The following NCAM2 variants were observed in gnomAD, a reference collection of about 807,000 sequenced individuals.
The protein encoded by NCAM2 is neural cell adhesion molecule 2, also known as N-CAM-2.
Under a neutral mutation model 98.1 loss-of-function variants are expected in NCAM2, and 30 were observed. That is an observed-to-expected ratio of 0.31 (90% CI 0.23 to 0.41). NCAM2 has a LOEUF of 0.41. Ranked by LOEUF, NCAM2 falls within the 10% of genes least tolerant of loss-of-function variation. The pLI is 1.00. For missense variants in NCAM2, 867 were observed against 1,005.8 expected, an observed-to-expected ratio of 0.86 and a Z score of 1.87; for synonymous variants, 368 against 342.4, an observed-to-expected ratio of 1.07 and a Z score of -0.83.
At chr21:21,347,399 T>G (rs1161273617) in intron 8 of NCAM2, among the ~76,000 whole-genome samples, 1 of 151,862 alleles carries the variant, frequency 6.6e-6, no homozygotes, top group Non-Finnish European at 1.5e-5. Context: ...ACAAATCACA[T>G]TACCTGACTT....
chr21:21,486,293 G>A (rs1360207376), intron 15 of NCAM2, among the ~76,000 whole-genome samples: 14 of 96,574 alleles, frequency 1.4e-4, no homozygotes, highest in African/African-American at 6.3e-4. Flanking sequence ...AACAGAGCGA[G>A]ACTCCGTCTC....
chr21:21,375,707 A>G (rs1189597296), intron 9 of NCAM2, among the ~76,000 whole-genome samples: 3 of 151,614 alleles, frequency 2.0e-5, no homozygotes, highest in Non-Finnish European at 4.4e-5. Flanking sequence ...AATTTACTTT[A>G]TGATTTTTTT....
intron 1 of NCAM2, among the ~76,000 whole-genome samples, chr21:21,125,829 GTC>G (rs1035559592): frequency 6.6e-6 from 1 of 150,624 alleles, no homozygotes; most frequent in Non-Finnish European, 1.5e-5. Context: ...CAGCACAATA[GTC>G]TCTGAATTGA....
intron 11 of NCAM2, among the ~76,000 whole-genome samples, chr21:21,423,640 G>A (rs2077157283): frequency 6.6e-6 from 1 of 152,026 alleles, no homozygotes; most frequent in Non-Finnish European, 1.5e-5. Context: ...CTGCTATTAA[G>A]GGAGGTCTCT....
intron 12 of NCAM2, among the ~76,000 whole-genome samples, chr21:21,435,221 T>G (rs1420638638): frequency 6.6e-6 from 1 of 152,198 alleles, no homozygotes; most frequent in Admixed American, 6.5e-5. Flanking sequence ...TGTAAGAAAC[T>G]GCATTTCTTT....
At chr21:21,434,065 C>G (rs1325695979) in intron 12 of NCAM2, among the ~76,000 whole-genome samples, 1 of 152,156 alleles carries the variant, frequency 6.6e-6, no homozygotes, top group Non-Finnish European at 1.5e-5. Context: ...CTTGATCTGG[C>G]CAAGTTGATC....
intron 9 of NCAM2, among the ~76,000 whole-genome samples, chr21:21,380,349 C>A (rs984523591): frequency 6.6e-6 from 1 of 152,146 alleles, no homozygotes; most frequent in African/African-American, 2.4e-5. Flanking sequence ...TTGAGGCTTA[C>A]AATGAGACAC....
At chr21:21,000,374 G>A (rs2063996783) in intron 1 of NCAM2, among the ~76,000 whole-genome samples, 1 of 152,166 alleles carries the variant, frequency 6.6e-6, no homozygotes, top group Admixed American at 6.5e-5. Context: ...GAAGAAAAAT[G>A]TCTCAGTTGT....
intron 12 of NCAM2, among the ~76,000 whole-genome samples, chr21:21,436,067 G>A (rs1161832827): frequency 6.6e-6 from 1 of 152,128 alleles, no homozygotes. Context: ...ATTTTGTAAA[G>A]ACATAGTAAA....
At chr21:21,330,675 A>G (rs2074649405) in intron 6 of NCAM2, among the ~76,000 whole-genome samples, 1 of 151,830 alleles carries the variant, frequency 6.6e-6, no homozygotes, top group Admixed American at 6.6e-5. Context: ...AAATGTGTCT[A>G]TTTTTATATT....
intron 1 of NCAM2, among the ~76,000 whole-genome samples, chr21:21,001,951 G>C (rs1391179185): frequency 6.6e-6 from 1 of 152,112 alleles, no homozygotes; most frequent in Non-Finnish European, 1.5e-5. Flanking sequence ...CTAGTTTGAA[G>C]ATTACAGGAG....
rs2147144570 is a variant in NCAM2 at position 21,223,424 on chromosome 21, T to C, written c.56-57154T>C. On this transcript the variant is annotated intron_variant, in intron 1 of 17. Transcript: ENST00000400546. ...TCTAGTTATATTTTCTATAATAAAG[T>C]ATTTCTTTTCCAATGTGTCACAAAG... The C allele has an allele frequency of 2.0e-5, 3 of 152,304 alleles. No individual in the cohort carries two copies. In the Middle Eastern group the frequency reaches 0.01, roughly 518 times the overall value. 9.4% of individuals were successfully genotyped at this position (152,304 alleles called of 1,614,324 possible).
chr21:21,508,603 A>G (rs1602524594), intron 15 of NCAM2, among the ~76,000 whole-genome samples: 1 of 151,924 alleles, frequency 6.6e-6, no homozygotes, highest in African/African-American at 2.4e-5. Context: ...AAAAAAAAGA[A>G]GTTTGAAAAA....
chr21:21,068,212 A>G (rs1264529959), intron 1 of NCAM2, among the ~76,000 whole-genome samples: 2 of 144,408 alleles, frequency 1.4e-5, no homozygotes, highest in Admixed American at 7.2e-5. Context: ...GGCTCACTGC[A>G]ACCTCTGCCT....
At chr21:21,064,599 T>TCAGG (rs1278107800) in intron 1 of NCAM2, among the ~76,000 whole-genome samples, 1 of 152,216 alleles carries the variant, frequency 6.6e-6, no homozygotes, top group Non-Finnish European at 1.5e-5. Context: ...CTCTTGCCCC[T>TCAGG]CAGGGTTCAT....
At chr21:21,027,121 G>A (rs1399610514) in intron 1 of NCAM2, among the ~76,000 whole-genome samples, 1 of 151,976 alleles carries the variant, frequency 6.6e-6, no homozygotes, top group Admixed American at 6.6e-5. Flanking sequence ...GCCTCCCAAA[G>A]TGCTGGGATT....
At chr21:21,052,081 G>T (rs1252660227) in intron 1 of NCAM2, among the ~76,000 whole-genome samples, 2 of 151,560 alleles carry the variant, frequency 1.3e-5, no homozygotes, top group African/African-American at 4.9e-5. Context: ...CAGGCAGTGT[G>T]CACAGTACAG....
chr21:21,491,998 C>G (rs919699378), intron 15 of NCAM2, among the ~76,000 whole-genome samples: 1 of 151,402 alleles, frequency 6.6e-6, no homozygotes, highest in Admixed American at 6.6e-5. Flanking sequence ...TCTTGGAATT[C>G]TTAGGAATTT....
chr21:21,108,376 G>C (rs2066391699), intron 1 of NCAM2, among the ~76,000 whole-genome samples: 1 of 151,972 alleles, frequency 6.6e-6, no homozygotes, highest in Non-Finnish European at 1.5e-5. Flanking sequence ...TAGCAATCTA[G>C]AATACATTTG....
Sources: gnomAD v4.1 joint callset for allele counts (sites outside exome capture counted in the v4.1 genomes callset) on GRCh38, gnomAD v4.1.1 for gene constraint, MANE v1.5 for transcripts, NCBI Gene and HGNC (gene_info 2026-07-23, HGNC 2026-07-21) for gene names.